The following CDK12 variants were observed in gnomAD, a reference collection of about 807,000 sequenced individuals.
CDK12 encodes cyclin-dependent kinase 12.
Under a neutral mutation model 133.8 loss-of-function variants are expected in CDK12, and 17 were observed. The observed-to-expected ratio is 0.13, with a 90% CI of 0.09 to 0.19. The LOEUF is 0.19. Among genes scored for constraint, CDK12 ranks in the 10% least tolerant of loss-of-function variants. CDK12 has a pLI of 1.00. For missense variants in CDK12, 1,508 were observed against 1,818.7 expected, an observed-to-expected ratio of 0.83 and a Z score of 3.11; for synonymous variants, 694 against 683.6, an observed-to-expected ratio of 1.02 and a Z score of -0.24.
At chr17:39,546,079 G>A (rs1450916030), upstream of CDK12, 3 of 152,000 alleles carry the variant, frequency 2.0e-5, no homozygotes, top group East Asian at 5.8e-4. Context: ...ACAGGCGTGA[G>A]CCACCGCGCC....
downstream of CDK12, among the ~76,000 whole-genome samples, chr17:39,566,666 G>A (rs1025680961): frequency 3.9e-5 from 6 of 152,108 alleles, no homozygotes; most frequent in Non-Finnish European, 8.8e-5. Flanking sequence ...GCTCTACGCC[G>A]TCTTGGGTGG....
At chr17:39,501,200 C>A in intron 5 of CDK12, 50 bp from the exon 6 acceptor site, 1 of 1,318,060 alleles carries the variant, frequency 7.6e-7, no homozygotes, top group Non-Finnish European at 1.0e-6. Context: ...ATTGTTATTT[C>A]AGCATTCTTT....
At chr17:39,528,582 T>G (rs1386016031) in intron 13 of CDK12, among the ~76,000 whole-genome samples, 1 of 152,162 alleles carries the variant, frequency 6.6e-6, no homozygotes, top group East Asian at 1.9e-4. Flanking sequence ...TGATCTGCCT[T>G]CCTTGTTCTC....
chr17:39,469,670 T>G (rs1296346505), intron 1 of CDK12, among the ~76,000 whole-genome samples: 1 of 150,084 alleles, frequency 6.7e-6, no homozygotes, highest in Non-Finnish European at 1.5e-5. Flanking sequence ...GGAATTTTGC[T>G]GTTGTTGCCC....
intron 10 of CDK12, among the ~76,000 whole-genome samples, chr17:39,519,412 G>A (rs935533036): frequency 2.2e-5 from 3 of 137,306 alleles, no homozygotes; most frequent in African/African-American, 8.2e-5. Flanking sequence ...GGGTCCAAGC[G>A]ATTCTCAGCC....
At chr17:39,476,651 G>A (rs529811917) in intron 2 of CDK12, among the ~76,000 whole-genome samples, 60 of 143,070 alleles carry the variant, frequency 4.2e-4, no homozygotes, top group African/African-American at 1.5e-3. Context: ...GATCTCAGGT[G>A]ATCTACCTGC....
chr17:39,557,483 G>A (rs1319733559), intron 3 of CDK12, among the ~76,000 whole-genome samples: 1 of 152,158 alleles, frequency 6.6e-6, no homozygotes, highest in African/African-American at 2.4e-5. Flanking sequence ...AACTCCTTCT[G>A]TCCTCTCTTG....
intron 8 of CDK12, among the ~76,000 whole-genome samples, chr17:39,513,173 T>G (rs2053596950): frequency 6.6e-6 from 1 of 152,222 alleles, no homozygotes; most frequent in African/African-American, 2.4e-5. Context: ...TGTTGGGGCA[T>G]GGATGTTTTA....
chr17:39,495,518 G>A (rs1207243078), intron 5 of CDK12, among the ~76,000 whole-genome samples: 1 of 151,210 alleles, frequency 6.6e-6, no homozygotes. Flanking sequence ...GTGGCCAGGC[G>A]CAGTGGCTCA....
At chr17:39,486,283 A>G (rs1318347040) in intron 2 of CDK12, among the ~76,000 whole-genome samples, 117 of 136,012 alleles carry the variant, frequency 8.6e-4, no homozygotes, top group Non-Finnish European at 1.7e-3. Context: ...TTTCTGTGAA[A>G]CAGAATCTTG....
chr17:39,475,243 G>T (rs2050106015), intron 2 of CDK12, among the ~76,000 whole-genome samples: 1 of 152,020 alleles, frequency 6.6e-6, no homozygotes, highest in Non-Finnish European at 1.5e-5. Flanking sequence ...GCCATGGTGG[G>T]AGGACTGTTT....
intron 2 of CDK12, among the ~76,000 whole-genome samples, chr17:39,472,501 C>G (rs1238222592): frequency 6.6e-6 from 1 of 151,206 alleles, no homozygotes; most frequent in African/African-American, 2.4e-5. Flanking sequence ...TGGTGAACCC[C>G]CATCTCTACT....
At chr17:39,495,520 A>G (rs1050803275) in intron 5 of CDK12, among the ~76,000 whole-genome samples, 1 of 150,700 alleles carries the variant, frequency 6.6e-6, no homozygotes, top group Non-Finnish European at 1.5e-5. Flanking sequence ...GGCCAGGCGC[A>G]GTGGCTCACG....
At chr17:39,537,588 T>TA (rs201317574), downstream of CDK12, among the ~76,000 whole-genome samples, 1 of 151,110 alleles carries the variant, frequency 6.6e-6, no homozygotes, top group African/African-American at 2.4e-5. Context: ...TTTATTTATT[T>TA]TTGAGATGGA....
upstream of CDK12, among the ~76,000 whole-genome samples, chr17:39,543,537 T>G (rs2055530110): frequency 6.6e-6 from 1 of 152,168 alleles, no homozygotes; most frequent in African/African-American, 2.4e-5. Flanking sequence ...TTGGGCAGAT[T>G]AGAAAGAGTT....
intron 11 of CDK12, 21 bp from the exon 12 acceptor site, chr17:39,524,653 C>T (rs1405932865): frequency 1.2e-6 from 2 of 1,607,390 alleles, no homozygotes. Context: ...CATATTTCCC[C>T]TTTGCTTTGT....
At chr17:39,469,623 T>C (rs2049626441) in intron 1 of CDK12, among the ~76,000 whole-genome samples, 1 of 151,484 alleles carries the variant, frequency 6.6e-6, no homozygotes, top group Non-Finnish European at 1.5e-5. Context: ...ACCTTTACTA[T>C]GGAGTATGAC....
chr17:39,496,418 G>A (rs1287779495), intron 5 of CDK12, among the ~76,000 whole-genome samples: 1 of 151,986 alleles, frequency 6.6e-6, no homozygotes, highest in Non-Finnish European at 1.5e-5. Flanking sequence ...AAAAATAATA[G>A]GCCAGGTGCA....
At chr17:39,523,351 T>C (rs2146656974) in intron 11 of CDK12, among the ~76,000 whole-genome samples, 1 of 152,186 alleles carries the variant, frequency 6.6e-6, no homozygotes, top group Admixed American at 6.5e-5. Flanking sequence ...GGCGTGTACC[T>C]GTAGTCCCAG....
Sources: gnomAD v4.1 joint callset for allele counts (sites outside exome capture counted in the v4.1 genomes callset) on GRCh38, gnomAD v4.1.1 for gene constraint, MANE v1.5 for transcripts, NCBI Gene and HGNC (gene_info 2026-07-23, HGNC 2026-07-21) for gene names.